Variants in SPAST observed in about 807,000 individuals in gnomAD.
SPAST encodes spastic paraplegia 4 (autosomal dominant; spastin).
In SPAST, 30 loss-of-function variants were observed where a neutral mutation model predicts 76.6. The observed-to-expected ratio is 0.39, with a 90% CI of 0.29 to 0.53. SPAST has a LOEUF of 0.53. Ranked by LOEUF, SPAST falls within the 20% of genes least tolerant of loss-of-function variation. SPAST has a pLI of 0.68. For synonymous variants in SPAST, 305 were observed against 281.0 expected (o/e 1.09, Z -0.86); for missense variants, 717 against 770.5 (o/e 0.93, Z 0.82).
chr2:32,085,091 AAAAC>A (rs977954601), intron 1 of SPAST, among the ~76,000 whole-genome samples: 5 of 152,044 alleles, frequency 3.3e-5, no homozygotes, highest in African/African-American at 1.2e-4. Context: ...TTCAAACTAA[AAAAC>A]AAAAATACAT....
At chr2:32,069,920 G>T (rs1270291286) in intron 1 of SPAST, among the ~76,000 whole-genome samples, 1 of 151,868 alleles carries the variant, frequency 6.6e-6, no homozygotes, top group Non-Finnish European at 1.5e-5. Context: ...GCATCAAACT[G>T]TAGTAGTGTT....
intron 1 of SPAST, among the ~76,000 whole-genome samples, chr2:32,079,820 A>G (rs914550969): frequency 6.6e-6 from 1 of 152,216 alleles, no homozygotes; most frequent in African/African-American, 2.4e-5. Context: ...GGCATGAGCC[A>G]CTGTGTGCAG....
At chr2:32,120,280 A>C (rs905946954) in intron 7 of SPAST, among the ~76,000 whole-genome samples, 1 of 152,070 alleles carries the variant, frequency 6.6e-6, no homozygotes, top group Non-Finnish European at 1.5e-5. Flanking sequence ...ATTAACTTGC[A>C]TATCATAGTA....
chr2:32,150,071 C>CTT (rs368418754), intron 16 of SPAST, among the ~76,000 whole-genome samples: 2 of 122,880 alleles, frequency 1.6e-5, no homozygotes, highest in Non-Finnish European at 3.5e-5. Context: ...TTCTTTCTTT[C>CTT]TTTTTTTTTT....
chr2:32,135,084 T>C (rs1165705353), intron 9 of SPAST, among the ~76,000 whole-genome samples: 1 of 151,992 alleles, frequency 6.6e-6, no homozygotes, highest in African/African-American at 2.4e-5. Context: ...TCATAGGAGA[T>C]GATCTTTTGA....
chr2:32,143,259 C>CCGAGA, intron 13 of SPAST, 77 bp from the exon 14 acceptor site: 1 of 873,146 alleles, frequency 1.1e-6, no homozygotes, highest in Non-Finnish European at 1.9e-6. Flanking sequence ...AGCACAAGAC[C>CCGAGA]CTGTCTCAAT....
chr2:32,129,707 C>T (rs1278702956), intron 9 of SPAST: 1 of 152,000 alleles, frequency 6.6e-6, no homozygotes, highest in Non-Finnish European at 1.5e-5. Flanking sequence ...TTATCAAAAC[C>T]TTTATGATTG....
At chr2:32,088,780 TGAA>T (rs1296169932) in intron 2 of SPAST, among the ~76,000 whole-genome samples, 1 of 152,228 alleles carries the variant, frequency 6.6e-6, no homozygotes, top group African/African-American at 2.4e-5. Flanking sequence ...TTAATCTTAT[TGAA>T]GAGGCTGTTT....
chr2:32,133,246 ATAAC>A (rs1679430006), intron 9 of SPAST, among the ~76,000 whole-genome samples: 1 of 152,234 alleles, frequency 6.6e-6, no homozygotes, highest in Non-Finnish European at 1.5e-5. Flanking sequence ...TGTTTATTGA[ATAAC>A]TAACATGTAG....
chr2:32,119,823 A>G (rs1678956546), intron 7 of SPAST, among the ~76,000 whole-genome samples: 1 of 152,184 alleles, frequency 6.6e-6, no homozygotes, highest in African/African-American at 2.4e-5. Flanking sequence ...TTTTACTAAG[A>G]AAGCGTATAT....
At position 32,154,412 on chromosome 2, in the gene SPAST, G is replaced by GA. The variant is rs1680185365; in HGVS notation, c.1774dup (p.Ile592AsnfsTer39). On this transcript the variant is annotated frameshift_variant, in exon 17 of 17. Coordinates refer to ENST00000315285, the MANE Select transcript of SPAST (RefSeq NM_014946.4). LOFTEE classifies it high-confidence loss of function. ...GATTATCTGACTTCACTGAATCCTT[G>GA]AAAAAAATAAAACGCAGCGTCAGCC... 6.2e-7 allele frequency: 1 copy of GA among 1,613,086 alleles called. No individual in the cohort carries two copies. Among genetic ancestry groups the GA allele is most frequent in the South Asian group, 1.1e-5 (1 of 91,066 alleles).
At chr2:32,069,514 T>C (rs977002976) in intron 1 of SPAST, among the ~76,000 whole-genome samples, 1 of 151,858 alleles carries the variant, frequency 6.6e-6, no homozygotes, top group African/African-American at 2.4e-5. Flanking sequence ...GAGCTGGTAA[T>C]ATCATGCACT....
chr2:32,141,895 T>G lies in SPAST; in HGVS notation c.1494-9T>G. On this transcript the variant is annotated splice_polypyrimidine_tract_variant and intron_variant, in intron 12 of 16. Transcript: ENST00000315285. ...TATATTTCTAAAAGTGCTGGATTTT[T>G]TTTTTTAGGCGTTTCATCAAACGGG... 4 of 1,608,648 alleles carry G rather than the reference T, an allele frequency of 2.5e-6. No individual in the cohort carries two copies. Among genetic ancestry groups the G allele is most frequent in the Non-Finnish European group, 3.4e-6 (4 of 1,176,426 alleles).
chr2:32,096,278 T>C (rs1256299924), intron 3 of SPAST, among the ~76,000 whole-genome samples: 3 of 152,028 alleles, frequency 2.0e-5, no homozygotes, highest in African/African-American at 7.2e-5. Context: ...CTACTAAAAT[T>C]ACAAAAATTA....
intron 13 of SPAST, among the ~76,000 whole-genome samples, chr2:32,142,749 G>T (rs1679760877): frequency 1.3e-5 from 2 of 152,158 alleles, no homozygotes; most frequent in South Asian, 4.1e-4. Context: ...GTCAGGGTGA[G>T]AGTTGGGAAT....
intron 2 of SPAST, among the ~76,000 whole-genome samples, chr2:32,088,075 A>G (rs1461060035): frequency 6.6e-6 from 1 of 151,702 alleles, no homozygotes; most frequent in East Asian, 1.9e-4. Flanking sequence ...TTTAGTGAAG[A>G]TGGGGTTTTG....
At position 32,114,661 on chromosome 2, in the gene SPAST, A is replaced by C. The variant is rs1163446040; in HGVS notation, c.706A>C (p.Lys236Gln). The C allele has an allele frequency of 1.2e-6, 2 of 1,614,064 alleles. No individual in the cohort carries two copies. Among genetic ancestry groups the C allele is most frequent in the Admixed American group, 3.3e-5 (2 of 59,998 alleles). The change falls in exon 5 of 17, where the codon AAA (lysine) becomes CAA (glutamine). Residue 236 changes from lysine to glutamine, a missense_variant. Physicochemically the swap from Lys to Gln is moderately conservative, Grantham distance 53 (BLOSUM62 1). Transcript: ENST00000315285. ...AGAAAGTGGAGCTGTTCCAAAAAGA[A>C]AAGACCCCTTAACACACACTAGTAA... Reference protein sequence around the residue: ...QSESGAVPKRKDPLTHTSNSL... With the variant: ...QSESGAVPKRQDPLTHTSNSL...
chr2:32,142,230 G>A (rs751273571), intron 13 of SPAST, among the ~76,000 whole-genome samples: 1 of 151,876 alleles, frequency 6.6e-6, no homozygotes, highest in Non-Finnish European at 1.5e-5. Context: ...TGTTTATTTT[G>A]GTGAATAAAC....
chr2:32,101,082 G>T (rs1266544790), intron 4 of SPAST, among the ~76,000 whole-genome samples: 1 of 152,186 alleles, frequency 6.6e-6, no homozygotes, highest in Non-Finnish European at 1.5e-5. Context: ...CATCAACAGT[G>T]TAAAAGTGTT....
Sources: allele counts gnomAD v4.1 joint callset (sites outside exome capture counted in the v4.1 genomes callset), GRCh38; gene constraint gnomAD v4.1.1; transcripts MANE v1.5; gene names NCBI Gene and HGNC (gene_info 2026-07-23, HGNC 2026-07-21).